The following VPS13B variants were observed in gnomAD, a reference collection of about 807,000 sequenced individuals.
VPS13B encodes vacuolar protein sorting 13 homolog B.
Under a neutral mutation model 426.4 loss-of-function variants are expected in VPS13B, and 285 were observed. That is an observed-to-expected ratio of 0.67 (90% CI 0.61 to 0.74). The LOEUF is 0.74. Among genes scored for constraint, VPS13B ranks in the 30% least tolerant of loss-of-function variants. VPS13B has a pLI of 0.00. For synonymous variants in VPS13B, 1,676 were observed against 1,676.4 expected (o/e 1.00, Z 0.01); for missense variants, 4,537 against 4,782.6 (o/e 0.95, Z 1.51).
chr8:99,773,824 G>A (rs1212148684), intron 40 of VPS13B, among the ~76,000 whole-genome samples: 1 of 152,128 alleles, frequency 6.6e-6, no homozygotes, highest in Non-Finnish European at 1.5e-5. Context: ...GGGAAAAGGG[G>A]AAATATTGAA....
At chr8:99,123,232 G>A (rs953636689) in intron 8 of VPS13B, among the ~76,000 whole-genome samples, 1 of 152,048 alleles carries the variant, frequency 6.6e-6, no homozygotes, top group African/African-American at 2.4e-5. Flanking sequence ...GATGATCAGG[G>A]AAGGCCTTAT....
At chr8:99,863,980 G>A (rs1816966818) in intron 58 of VPS13B, among the ~76,000 whole-genome samples, 1 of 152,132 alleles carries the variant, frequency 6.6e-6, no homozygotes, top group Non-Finnish European at 1.5e-5. Context: ...AGTTCACAGT[G>A]GGCATCTCAA....
At chr8:99,541,696 G>T (rs961961664) in intron 30 of VPS13B, among the ~76,000 whole-genome samples, 1 of 152,074 alleles carries the variant, frequency 6.6e-6, no homozygotes, top group African/African-American at 2.4e-5. Context: ...ATAAGATGGG[G>T]AAAAAGATTT....
At chr8:99,574,356 A>G (rs1825655866) in intron 31 of VPS13B, among the ~76,000 whole-genome samples, 1 of 152,140 alleles carries the variant, frequency 6.6e-6, no homozygotes, top group African/African-American at 2.4e-5. Flanking sequence ...GAGTGGTGAG[A>G]GAGGGCATTC....
intron 16 of VPS13B, among the ~76,000 whole-genome samples, chr8:99,178,419 C>T (rs1172030643): frequency 6.6e-6 from 1 of 151,058 alleles, no homozygotes; most frequent in Non-Finnish European, 1.5e-5. Flanking sequence ...TCATAATCCC[C>T]TTGTATAGCA....
At position 99,204,439 on chromosome 8, in the gene VPS13B, A is replaced by G. The variant is rs901518406; in HGVS notation, c.2515+11382A>G. Reference sequence around the variant, plus strand: ...AAACCTAGGCAATACCATTCAGGACATAGGCACAGGCAAAGACTTTGTGAC... The same window carrying G: ...AAACCTAGGCAATACCATTCAGGACGTAGGCACAGGCAAAGACTTTGTGAC... On this transcript the variant is annotated intron_variant, in intron 17 of 61. Coordinates refer to ENST00000357162, the MANE Select transcript of VPS13B (RefSeq NM_152564.5). Among the ~76,000 whole-genome samples the G allele has an allele frequency of 4.6e-5, 7 of 152,246 alleles. 1 individual carries two copies. Among genetic ancestry groups the G allele is most frequent in the Non-Finnish European group, 1.0e-4 (7 of 68,032 alleles).
intron 19 of VPS13B, among the ~76,000 whole-genome samples, chr8:99,351,286 G>A (rs1184414466): frequency 6.6e-6 from 1 of 152,094 alleles, no homozygotes; most frequent in Admixed American, 6.5e-5. Context: ...TTCCTATACA[G>A]ATTCGGATTA....
rs372597619 is a variant in VPS13B at position 99,038,509 on chromosome 8, A to G, written c.234A>G (p.Pro78=). ...HVPWTKLGSE[P]VVITINTMEC... ...CATGGACAAAACTGGGTTCAGAACC[A>G]GTGGTAATTACCATCAATACTATGG... is the stretch of plus-strand genomic sequence containing the variant. Residue 78 remains proline, a synonymous_variant, in exon 3 of 62, where the codon CCA becomes CCG. Transcript: ENST00000357162. 1.2e-5 allele frequency: 20 copies of G among 1,612,734 alleles called. No homozygotes were observed. The highest frequency in any genetic ancestry group is 1.5e-5 in the Non-Finnish European group (18 of 1,179,280).
rs935928948 is a variant in VPS13B at position 99,778,443 on chromosome 8, A to C, written c.7430-239A>C. On this transcript the variant is annotated intron_variant, in intron 41 of 61. Coordinates refer to ENST00000357162, the MANE Select transcript of VPS13B (RefSeq NM_152564.5). Reference sequence around the variant, plus strand: ...GGCTTCTGTGATCAATTTTTTGTGAAAGTTACTTTTGGACAATATATATTT... The same window carrying C: ...GGCTTCTGTGATCAATTTTTTGTGACAGTTACTTTTGGACAATATATATTT... Among the ~76,000 whole-genome samples the C allele has an allele frequency of 7.9e-5, 12 of 152,238 alleles. No homozygotes were observed. The South Asian group carries it at 8.3e-4, about 11-fold the overall frequency.
intron 3 of VPS13B, among the ~76,000 whole-genome samples, chr8:99,079,097 G>C (rs191764079): frequency 6.6e-6 from 1 of 152,144 alleles, no homozygotes; most frequent in Non-Finnish European, 1.5e-5. Flanking sequence ...CAGGGCTCTG[G>C]AGAATGGGCG....
rs180780424 is a variant in VPS13B, at chr8:99,201,647, G to A, written c.2515+8590G>A. The stretch of plus-strand genomic sequence containing the variant: ...TGCTACAATAATGAATCCTTCCTCA[G>A]CTCTTGCAAAAATCAAATTAAAAGT... On this transcript the variant is annotated intron_variant, in intron 17 of 61. Transcript: ENST00000357162. Among the ~76,000 whole-genome samples, 312 of 152,194 alleles carry A rather than the reference G, an allele frequency of 2.1e-3. 1 individual carries two copies. The highest frequency in any genetic ancestry group is 0.01 in the Middle Eastern group (3 of 294).
At chr8:99,762,237 G>A (rs537012164) in intron 39 of VPS13B, among the ~76,000 whole-genome samples, 49 of 152,064 alleles carry the variant, frequency 3.2e-4, no homozygotes, top group African/African-American at 1.2e-3. Context: ...AGTTGCCCAG[G>A]CTGATTTCAA....
intron 17 of VPS13B, among the ~76,000 whole-genome samples, chr8:99,245,971 T>G (rs1464288100): frequency 6.6e-6 from 1 of 152,272 alleles, no homozygotes; most frequent in Non-Finnish European, 1.5e-5. Context: ...CTGTGGTGCC[T>G]TATGCTCACA....
intron 2 of VPS13B, among the ~76,000 whole-genome samples, chr8:99,024,914 C>A (rs927055684): frequency 1.3e-5 from 2 of 152,126 alleles, no homozygotes; most frequent in Admixed American, 6.5e-5. Context: ...TTTTCCAATT[C>A]ATGAACATGA....
chr8:99,647,154 A>G (rs1829610290), intron 34 of VPS13B, among the ~76,000 whole-genome samples: 1 of 152,116 alleles, frequency 6.6e-6, no homozygotes. Context: ...TCCTAGCACA[A>G]TGTGGCTTGT....
intron 17 of VPS13B, among the ~76,000 whole-genome samples, chr8:99,213,140 A>T (rs1463141639): frequency 6.6e-6 from 1 of 152,178 alleles, no homozygotes; most frequent in Non-Finnish European, 1.5e-5. Context: ...CTAGCTGGGT[A>T]ATATGGCGTG....
intron 3 of VPS13B, among the ~76,000 whole-genome samples, chr8:99,044,107 C>T (rs1461232556): frequency 2.1e-3 from 192 of 89,598 alleles, no homozygotes; most frequent in African/African-American, 7.7e-3. Flanking sequence ...TTTTTTGAGA[C>T]GGAGTCTGCT....
chr8:99,559,347 T>G (rs1164565315), intron 31 of VPS13B, among the ~76,000 whole-genome samples: 7 of 152,218 alleles, frequency 4.6e-5, no homozygotes, highest in Admixed American at 3.3e-4. Flanking sequence ...GTTCTCCCAT[T>G]CTGTAGGTTG....
At chr8:99,649,149 G>A (rs952651040) in intron 34 of VPS13B, among the ~76,000 whole-genome samples, 1 of 151,996 alleles carries the variant, frequency 6.6e-6, no homozygotes, top group Non-Finnish European at 1.5e-5. Context: ...CAAGACACCT[G>A]CTTATCTTTA....
Sources: gnomAD v4.1 joint callset for allele counts (sites outside exome capture counted in the v4.1 genomes callset) on GRCh38, gnomAD v4.1.1 for gene constraint, MANE v1.5 for transcripts, NCBI Gene and HGNC (gene_info 2026-07-23, HGNC 2026-07-21) for gene names.